NKAIN3: variants seen among roughly 807,000 people sequenced by gnomAD.
NKAIN3 encodes the protein sodium/potassium-transporting ATPase subunit beta-1-interacting protein 3.
Under a neutral mutation model 30.2 loss-of-function variants are expected in NKAIN3, and 25 were observed. The observed-to-expected ratio is 0.83, with a 90% CI of 0.60 to 1.16. NKAIN3 has a LOEUF of 1.16. Ranked by LOEUF, NKAIN3 falls within the 50% of genes most tolerant of loss-of-function variation. The pLI is 0.00. For synonymous variants in NKAIN3, 91 were observed against 89.6 expected, an observed-to-expected ratio of 1.02 and a Z score of -0.09; for missense variants, 225 against 254.1, an observed-to-expected ratio of 0.89 and a Z score of 0.78.
intron 4 of NKAIN3, among the ~76,000 whole-genome samples, chr8:62,840,732 T>A (rs939627735): frequency 6.6e-6 from 1 of 152,140 alleles, no homozygotes; most frequent in African/African-American, 2.4e-5. Context: ...TATATTTAAA[T>A]GTTGGCAACT....
intron 3 of NKAIN3, among the ~76,000 whole-genome samples, chr8:62,708,929 A>G (rs1301761677): frequency 6.6e-6 from 1 of 152,142 alleles, no homozygotes; most frequent in Non-Finnish European, 1.5e-5. Context: ...TTATAATCAT[A>G]AAGGGATGCT....
chr8:62,466,894 T>TA (rs1016378308), intron 1 of NKAIN3, among the ~76,000 whole-genome samples: 10 of 151,198 alleles, frequency 6.6e-5, no homozygotes, highest in South Asian at 2.1e-4. Flanking sequence ...CTACTGCTCT[T>TA]AAAAAAAAAG....
At chr8:62,310,803 C>T (rs372058514) in intron 1 of NKAIN3, among the ~76,000 whole-genome samples, 70 of 150,322 alleles carry the variant, frequency 4.7e-4, no homozygotes, top group East Asian at 2.1e-3. Context: ...AATCAACCAG[C>T]GAGGTGACTC....
chr8:62,631,328 C>T (rs923850673), intron 3 of NKAIN3, among the ~76,000 whole-genome samples: 8 of 152,266 alleles, frequency 5.3e-5, no homozygotes, highest in Middle Eastern at 3.4e-3. Flanking sequence ...CCCTCTCCAC[C>T]CTGCCCCATC....
At chr8:62,546,157 T>C (rs1243355224) in intron 1 of NKAIN3, among the ~76,000 whole-genome samples, 3 of 152,184 alleles carry the variant, frequency 2.0e-5, no homozygotes, top group Admixed American at 2.0e-4. Flanking sequence ...CCAGGGCTTG[T>C]CTTATTCTTA....
intron 3 of NKAIN3, among the ~76,000 whole-genome samples, chr8:62,685,457 C>T (rs1813770736): frequency 1.3e-5 from 2 of 152,184 alleles, no homozygotes; most frequent in Admixed American, 1.3e-4. Context: ...TTTTTTACTT[C>T]TGAACCACTT....
chr8:62,920,760 A>T (rs1465060364), intron 5 of NKAIN3, among the ~76,000 whole-genome samples: 1 of 152,222 alleles, frequency 6.6e-6, no homozygotes, highest in South Asian at 2.1e-4. Flanking sequence ...TGGATATAGT[A>T]CTTGTATTGT....
At chr8:62,642,496 G>A (rs1812340650) in intron 3 of NKAIN3, among the ~76,000 whole-genome samples, 1 of 151,992 alleles carries the variant, frequency 6.6e-6, no homozygotes, top group Non-Finnish European at 1.5e-5. Context: ...GGTTCTCAAA[G>A]GACAGCCTCA....
At chr8:62,942,985 C>T (rs946710265) in intron 5 of NKAIN3, among the ~76,000 whole-genome samples, 3 of 152,060 alleles carry the variant, frequency 2.0e-5, no homozygotes, top group African/African-American at 7.2e-5. Context: ...GCAAAGACTT[C>T]ATTACCAAGA....
intron 1 of NKAIN3, among the ~76,000 whole-genome samples, chr8:62,273,958 TC>T (rs1350092372): frequency 3.9e-5 from 6 of 152,164 alleles, no homozygotes; most frequent in Non-Finnish European, 8.8e-5. Context: ...CCACCAGGCC[TC>T]CTGTAAACAT....
intron 5 of NKAIN3, among the ~76,000 whole-genome samples, chr8:62,919,070 A>G (rs1822192969): frequency 6.6e-6 from 1 of 151,994 alleles, no homozygotes; most frequent in Non-Finnish European, 1.5e-5. Flanking sequence ...CAGAACACCC[A>G]AAGGAAAAAC....
At chr8:62,876,921 G>T (rs192403137) in intron 4 of NKAIN3, among the ~76,000 whole-genome samples, 1 of 151,642 alleles carries the variant, frequency 6.6e-6, no homozygotes, top group Non-Finnish European at 1.5e-5. Flanking sequence ...CATGTATCCC[G>T]TGTTTGTTTG....
intron 4 of NKAIN3, among the ~76,000 whole-genome samples, chr8:62,886,002 G>A (rs2130819270): frequency 6.6e-6 from 1 of 152,112 alleles, no homozygotes; most frequent in East Asian, 1.9e-4. Flanking sequence ...TGATATAGTT[G>A]GATTAATGTC....
Position 62,292,859 on chromosome 8 carries a change from C to T in NKAIN3, c.54+43732C>T, listed in dbSNP as rs113473076. On this transcript the variant is annotated intron_variant, in intron 1 of 6. Coordinates refer to ENST00000623646, the MANE Select transcript of NKAIN3 (RefSeq NM_001304533.3). Reference sequence around the variant, plus strand: ...TTGGTTCCATTCTCCCCATCACTTTCAGGCACAGCAATCAGACGTAGATTT... The same window carrying T: ...TTGGTTCCATTCTCCCCATCACTTTTAGGCACAGCAATCAGACGTAGATTT... Among the ~76,000 whole-genome samples, 749 of 152,330 alleles carry T rather than the reference C, an allele frequency of 4.9e-3. 8 individuals are homozygous for T. Among genetic ancestry groups the T allele is most frequent in the African/African-American group, 0.017 (720 of 41,580 alleles).
chr8:62,344,169 C>T (rs953648814), intron 1 of NKAIN3, among the ~76,000 whole-genome samples: 20 of 151,858 alleles, frequency 1.3e-4, no homozygotes, highest in African/African-American at 4.1e-4. Flanking sequence ...CTTTGATGGA[C>T]TCATCTGAAA....
At chr8:62,856,684 G>A in intron 4 of NKAIN3, 3 of 757,804 alleles carry the variant, frequency 4.0e-6, no homozygotes, top group African/African-American at 1.7e-5. Flanking sequence ...TCAGATCTGT[G>A]GCCCATCAGG....
chr8:62,558,162 G>A (rs1809466584), intron 1 of NKAIN3, among the ~76,000 whole-genome samples: 1 of 151,976 alleles, frequency 6.6e-6, no homozygotes, highest in African/African-American at 2.4e-5. Flanking sequence ...TGTTGAATAG[G>A]GTGTCCTTTC....
chr8:62,928,144 T>C (rs2130867974), intron 5 of NKAIN3, among the ~76,000 whole-genome samples: 1 of 152,314 alleles, frequency 6.6e-6, no homozygotes, highest in East Asian at 1.9e-4. Context: ...GGAGTATTCA[T>C]ATGACTTGAA....
intron 1 of NKAIN3, among the ~76,000 whole-genome samples, chr8:62,413,606 C>A (rs1223815136): frequency 6.6e-6 from 1 of 152,104 alleles, no homozygotes; most frequent in East Asian, 1.9e-4. Flanking sequence ...TGTCAAAACT[C>A]GGTGATTTAA....
Sources: allele counts gnomAD v4.1 joint callset (sites outside exome capture counted in the v4.1 genomes callset), GRCh38; gene constraint gnomAD v4.1.1; transcripts MANE v1.5; gene names NCBI Gene and HGNC (gene_info 2026-07-23, HGNC 2026-07-21).